PARK7: variants seen among roughly 807,000 people sequenced by gnomAD.
The protein encoded by PARK7 is Parkinson disease protein 7.
A neutral mutation model predicts 20.5 loss-of-function variants in PARK7; 14 were observed. The ratio of observed to expected loss-of-function variants is 0.68; its 90% CI spans 0.45 to 1.07. The LOEUF is 1.07. Among genes scored for constraint, PARK7 ranks in the 50% least tolerant of loss-of-function variants. The pLI, the probability that PARK7 is intolerant of heterozygous loss-of-function variation, is 0.00. For missense variants in PARK7, 234 were observed against 238.1 expected (o/e 0.98, Z 0.11); for synonymous variants, 98 against 84.3 (o/e 1.16, Z -0.89).
intron 6 of PARK7, among the ~76,000 whole-genome samples, chr1:7,979,539 C>T (rs1386802196): frequency 2.6e-5 from 4 of 152,162 alleles, no homozygotes; most frequent in Non-Finnish European, 2.9e-5. Context: ...CTTGCTCTGT[C>T]ACCCAGGCAG....
intron 6 of PARK7, among the ~76,000 whole-genome samples, chr1:7,983,155 C>T (rs1446229550): frequency 6.6e-6 from 1 of 152,232 alleles, no homozygotes; most frequent in Non-Finnish European, 1.5e-5. Context: ...ATTGAACAGA[C>T]GTTTCCTAAG....
chr1:7,963,444 T>C (rs1231973904), intron 2 of PARK7, among the ~76,000 whole-genome samples: 1 of 150,760 alleles, frequency 6.6e-6, no homozygotes, highest in African/African-American at 2.4e-5. Context: ...AACGCAGTGG[T>C]GTGATCTCTG....
Position 7,962,711 on chromosome 1 carries a change from T to C in PARK7, c.-23-52T>C, listed in dbSNP as rs186726925. The C allele has an allele frequency of 2.2e-5, 27 of 1,246,034 alleles. No individual in the cohort carries two copies. In the East Asian group the frequency reaches 6.4e-4, roughly 29 times the overall value. 77.2% of individuals were successfully genotyped at this position (1,246,034 alleles called of 1,614,324 possible). ...CCTAAACTTTAAATTTTGGGGTATC[T>C]CAGGGTTGCAATGAAAGTTTTTTGA... On this transcript the variant is annotated intron_variant, in intron 1 of 6. Transcript: ENST00000338639.
At chr1:7,963,366 A>G (rs1159882213) in intron 2 of PARK7, among the ~76,000 whole-genome samples, 5 of 150,306 alleles carry the variant, frequency 3.3e-5, no homozygotes, top group South Asian at 2.1e-4. Flanking sequence ...CACTGTCCTT[A>G]GACCCATTTC....
chr1:7,975,944 T>C (rs935178759), intron 5 of PARK7, among the ~76,000 whole-genome samples: 1 of 152,214 alleles, frequency 6.6e-6, no homozygotes, highest in African/African-American at 2.4e-5. Flanking sequence ...TGTGTAAAAA[T>C]AACGTGGAGA....
intron 5 of PARK7, chr1:7,971,431 C>T (rs1163302428): frequency 2.2e-5 from 4 of 182,386 alleles, no homozygotes; most frequent in Admixed American, 5.4e-5. Flanking sequence ...TCTTGGGCAC[C>T]GCATTATCTG....
In PARK7 at chr1:7,984,636, TAA is replaced by T. The variant is rs113010047; in HGVS notation, c.410-256_410-255del. Among the ~76,000 whole-genome samples the T allele has an allele frequency of 0.024, 3,711 of 152,312 alleles. 152 individuals carry two copies. Among genetic ancestry groups the T allele is most frequent in the African/African-American group, 0.085 (3,517 of 41,550 alleles). Reference sequence around the variant, plus strand: ...ATTCACCGACATCTCCCCCAACACTTAAAGTCTTAGCAGCTGCATTTAACTCA... The same window carrying T: ...ATTCACCGACATCTCCCCCAACACTTAGTCTTAGCAGCTGCATTTAACTCA... On this transcript the variant is annotated intron_variant, in intron 6 of 6. Transcript: ENST00000338639. The surrounding 1 kb of genome is among the most constrained non-coding windows in gnomAD (Gnocchi z 4.3).
chr1:7,971,274 A>G (rs1165905375), intron 5 of PARK7: 1 of 418,490 alleles, frequency 2.4e-6, no homozygotes, highest in Non-Finnish European at 4.5e-6. Flanking sequence ...TCTGTGCCAG[A>G]AAGTCTTTGT....
chr1:7,968,302 CAA>C (rs34105225), intron 3 of PARK7, among the ~76,000 whole-genome samples: 56 of 101,830 alleles, frequency 5.5e-4, no homozygotes, highest in Admixed American at 7.2e-4. Flanking sequence ...GACTCTGTCT[CAA>C]AAAAAAAAAA....
intron 3 of PARK7, among the ~76,000 whole-genome samples, chr1:7,967,808 T>C (rs1640360077): frequency 6.6e-6 from 1 of 151,968 alleles, no homozygotes; most frequent in Admixed American, 6.6e-5. Flanking sequence ...TAGTCCTAGC[T>C]CCTGCAGAGG....
chr1:7,975,747 G>T (rs545240015), intron 5 of PARK7, among the ~76,000 whole-genome samples: 1 of 152,252 alleles, frequency 6.6e-6, no homozygotes, highest in African/African-American at 2.4e-5. Context: ...CTCGTTCACC[G>T]ATCACTTTCC....
At chr1:7,975,564 G>A (rs972433024) in intron 5 of PARK7, among the ~76,000 whole-genome samples, 1 of 152,188 alleles carries the variant, frequency 6.6e-6, no homozygotes, top group Non-Finnish European at 1.5e-5. Flanking sequence ...AGAGTGAAAC[G>A]TCTCTTCTCC....
chr1:7,969,440 TGG>T lies in PARK7; in HGVS notation c.252+45_252+46del, dbSNP rs147617838. 1.5e-3 allele frequency: 1,149 copies of T among 790,026 alleles called. 8 individuals are homozygous for T. Among genetic ancestry groups the T allele is most frequent in the African/African-American group, 0.013 (838 of 64,066 alleles). The allele number at this position is 790,026 out of a possible 1,614,324, so 48.9% of individuals were successfully genotyped here. A position where few individuals can be genotyped will look rare whatever the true frequency, so the allele number is the denominator to read the frequency against. ...CTACTCAATTATACCTCAATAAAGC[TGG>T]GGGGGGGGAAAAACTAAAGAATTTC... On this transcript the variant is annotated intron_variant, in intron 4 of 6. Coordinates refer to ENST00000338639, the MANE Select transcript of PARK7 (RefSeq NM_007262.5).
chr1:7,985,130 A>G lies in PARK7; in HGVS notation c.*76A>G. 2 of 1,557,778 alleles carry G rather than the reference A, an allele frequency of 1.3e-6. No individual in the cohort carries two copies. Among genetic ancestry groups the G allele is most frequent in the South Asian group, 1.2e-5 (1 of 85,948 alleles). The stretch of plus-strand genomic sequence containing the variant: ...TCTCACTGTGTTCGCTCTAAACAAA[A>G]CAGTGGTAGGTTAATGTGTTCAGAA... On this transcript the variant is annotated 3_prime_UTR_variant, in exon 7 of 7. Coordinates refer to ENST00000338639, the MANE Select transcript of PARK7 (RefSeq NM_007262.5).
intron 6 of PARK7, among the ~76,000 whole-genome samples, chr1:7,983,290 G>A (rs759104091): frequency 2.6e-5 from 4 of 152,248 alleles, no homozygotes; most frequent in Non-Finnish European, 5.9e-5. Flanking sequence ...CGTGGCCGGT[G>A]CATCAGGATA....
Position 7,964,721 on chromosome 1 carries a change from G to A in PARK7, c.91-603G>A, listed in dbSNP as rs140092677. ...GTGTAGGAAAATTCCCACTTTCCCA[G>A]TGCCAGCTCTTGGTATTGTTGACTT... On this transcript the variant is annotated intron_variant, in intron 2 of 6. Transcript: ENST00000338639. Among the ~76,000 whole-genome samples the A allele has an allele frequency of 2.3e-3, 352 of 152,294 alleles. 1 individual carries two copies. The highest frequency in any genetic ancestry group is 8.0e-3 in the African/African-American group (332 of 41,550).
At chr1:7,962,167 CAG>C (rs771232592) in intron 1 of PARK7, 143 of 152,726 alleles carry the variant, frequency 9.4e-4, no homozygotes, top group Non-Finnish European at 1.4e-3. Context: ...GAACTCCGCG[CAG>C]AGAGACAGAT....
chr1:7,969,994 C>T (rs1210598525), intron 4 of PARK7, among the ~76,000 whole-genome samples: 2 of 152,090 alleles, frequency 1.3e-5, no homozygotes, highest in Non-Finnish European at 2.9e-5. Context: ...GAGTTTGAGA[C>T]CAGCCTAAGT....
At chr1:7,972,215 A>G (rs1048008263) in intron 5 of PARK7, among the ~76,000 whole-genome samples, 1 of 152,166 alleles carries the variant, frequency 6.6e-6, no homozygotes, top group African/African-American at 2.4e-5. Flanking sequence ...TAATCTCAGC[A>G]TTTTGGGAGG....
Sources: gnomAD v4.1 joint callset for allele counts (sites outside exome capture counted in the v4.1 genomes callset) on GRCh38, gnomAD v4.1.1 for gene constraint, Gnocchi (gnomAD v3.1) non-coding constraint, MANE v1.5 for transcripts, NCBI Gene and HGNC (gene_info 2026-07-23, HGNC 2026-07-21) for gene names.